Variants in LIPJ observed in about 807,000 individuals in gnomAD.
The protein encoded by LIPJ is lipase family member J, also known as lipase member J.
In LIPJ, 33 loss-of-function variants were observed where a neutral mutation model predicts 39.8. The ratio of observed to expected loss-of-function variants is 0.83; its 90% CI spans 0.63 to 1.11. LIPJ has a LOEUF of 1.11. Among genes scored for constraint, LIPJ ranks in the 50% least tolerant of loss-of-function variants. The pLI, the probability that LIPJ is intolerant of heterozygous loss-of-function variation, is 0.00. For synonymous variants in LIPJ, 128 were observed against 139.2 expected, an observed-to-expected ratio of 0.92 and a Z score of 0.57; for missense variants, 422 against 427.9, an observed-to-expected ratio of 0.99 and a Z score of 0.12.
chr10:88,609,450 A>G (rs921175709), downstream of LIPJ, among the ~76,000 whole-genome samples: 1 of 152,250 alleles, frequency 6.6e-6, no homozygotes, highest in African/African-American at 2.4e-5. Context: ...ATATAATGGG[A>G]TAATAATTCA....
chr10:88,603,508 AC>A (rs1851564408), intron 9 of LIPJ, among the ~76,000 whole-genome samples: 1 of 152,200 alleles, frequency 6.6e-6, no homozygotes, highest in South Asian at 2.1e-4. Context: ...AATGTTGAAA[AC>A]CAGGATAACA....
At chr10:88,612,552 G>A in the LIPJ span, among the ~76,000 whole-genome samples, 2 of 152,066 alleles carry the variant, frequency 1.3e-5, no homozygotes, top group Non-Finnish European at 1.5e-5. Flanking sequence ...GATATTCCAT[G>A]CAAATGGACA....
At chr10:88,619,240 C>G in the LIPJ span, among the ~76,000 whole-genome samples, 10 of 150,252 alleles carry the variant, frequency 6.7e-5, no homozygotes, top group Non-Finnish European at 7.4e-5. Flanking sequence ...CTGTAACCCA[C>G]ACATTAACCA....
At chr10:88,594,382 A>G in intron 5 of LIPJ, 1 of 502,438 alleles carries the variant, frequency 2.0e-6, no homozygotes, top group South Asian at 2.9e-5. Flanking sequence ...GACCAACCCC[A>G]TCCTTCCTTT....
In LIPJ at chr10:88,602,567, A is replaced by G. The variant is rs371407563; in HGVS notation, c.724-9A>G. ...TAAAAATGCTTTTTTTTTTTTTTTT[A>G]CCCCTCAGAGTCGTTTGGATGTGTA... On this transcript the variant is annotated splice_polypyrimidine_tract_variant and intron_variant, in intron 8 of 10. Coordinates refer to ENST00000371939, the Ensembl canonical transcript of LIPJ. 1.5e-6 allele frequency: 2 copies of G among 1,352,988 alleles called. No homozygotes were observed. Among genetic ancestry groups the G allele is most frequent in the East Asian group, 2.8e-5 (1 of 36,334 alleles). The allele number at this position is 1,352,988 out of a possible 1,614,324, so 83.8% of individuals were successfully genotyped here. A position where few individuals can be genotyped will look rare whatever the true frequency, so the allele number is the denominator to read the frequency against.
chr10:88,595,479 A>G (rs528855584), intron 6 of LIPJ, among the ~76,000 whole-genome samples: 29 of 151,790 alleles, frequency 1.9e-4, no homozygotes, highest in African/African-American at 5.1e-4. Context: ...AAGCATGTTG[A>G]GTAACAATCT....
intron 7 of LIPJ, 22 bp from the exon 8 acceptor site, chr10:88,596,768 A>G: frequency 6.3e-7 from 1 of 1,582,628 alleles, no homozygotes; most frequent in East Asian, 2.2e-5. Context: ...CCAAATGTGG[A>G]TAAAATAAAT....
At chr10:88,587,600 T>C (rs1850951702) in intron 2 of LIPJ, among the ~76,000 whole-genome samples, 1 of 152,120 alleles carries the variant, frequency 6.6e-6, no homozygotes, top group African/African-American at 2.4e-5. Flanking sequence ...CTTTTAAAAA[T>C]CATTATTTAA....
upstream of LIPJ, chr10:88,584,105 C>CAAT (rs1386216601): frequency 6.6e-6 from 1 of 151,710 alleles, no homozygotes; most frequent in African/African-American, 2.4e-5. Flanking sequence ...GTATCAGAAC[C>CAAT]AATAAGAAAA....
rs113396169 is a variant in LIPJ at position 88,603,145 on chromosome 10, C to A, written c.795+498C>A. ...ATCATAATTTAATTAATTCTCTAAA[C>A]CTAAGTACTGTTACAGCAATATAAA... On this transcript the variant is annotated intron_variant, in intron 9 of 10. Transcript: ENST00000371939. Among the ~76,000 whole-genome samples the A allele has an allele frequency of 1.4e-3, 211 of 152,066 alleles. 1 individual carries two copies. The highest frequency in any genetic ancestry group is 4.9e-3 in the African/African-American group (202 of 41,494).
At chr10:88,598,747 C>T (rs1488467778) in intron 8 of LIPJ, among the ~76,000 whole-genome samples, 2 of 151,608 alleles carry the variant, frequency 1.3e-5, no homozygotes, top group African/African-American at 4.8e-5. Context: ...AAGCCTCTGA[C>T]CTACATTAAG....
At chr10:88,616,035 G>C in the LIPJ span, among the ~76,000 whole-genome samples, 2 of 152,126 alleles carry the variant, frequency 1.3e-5, no homozygotes, top group Non-Finnish European at 2.9e-5. Context: ...AACATAGCAA[G>C]ACCCCATCTC....
At position 88,590,338 on chromosome 10, in the gene LIPJ, G is replaced by T. The variant is rs200963636; in HGVS notation, c.-103-247G>T. On this transcript the variant is annotated intron_variant, in intron 2 of 10. Coordinates refer to ENST00000371939, the Ensembl canonical transcript of LIPJ. ...TACTACAATGGAGACTTCTAAGAGG[G>T]AATTTATCTACAAAATAGGGTAGCC... Among the ~76,000 whole-genome samples, 3 of 151,740 alleles carry T rather than the reference G, an allele frequency of 2.0e-5. No individual in the cohort carries two copies. In the East Asian group the frequency reaches 5.8e-4, roughly 29 times the overall value.
chr10:88,586,114 T>C (rs1850907151), upstream of LIPJ, among the ~76,000 whole-genome samples: 1 of 152,212 alleles, frequency 6.6e-6, no homozygotes. Context: ...GCATTTATCT[T>C]TGTCTTTTTT....
In LIPJ at chr10:88,593,899, T is replaced by C. The variant is rs375224190; in HGVS notation, c.131-47T>C. ...GAATTTCAGATAAAAGATTTTCATA[T>C]AGATAACTACAAAATTTATAAAGAA... On this transcript the variant is annotated intron_variant, in intron 4 of 10. Transcript: ENST00000371939. 2.5e-5 allele frequency: 38 copies of C among 1,496,780 alleles called. No homozygotes were observed. The African/African-American group carries it at 4.9e-4, about 19-fold the overall frequency. 92.7% of individuals were successfully genotyped at this position (1,496,780 alleles called of 1,614,324 possible).
chr10:88,589,719 G>C (rs1335048327), intron 2 of LIPJ, among the ~76,000 whole-genome samples: 1 of 151,604 alleles, frequency 6.6e-6, no homozygotes, highest in African/African-American at 2.4e-5. Flanking sequence ...TTGTTCTCTT[G>C]CATAAGGAGG....
At chr10:88,603,853 T>C (rs529630622) in intron 9 of LIPJ, among the ~76,000 whole-genome samples, 103 of 152,300 alleles carry the variant, frequency 6.8e-4, no homozygotes, top group African/African-American at 2.3e-3. Flanking sequence ...TTATAACTTA[T>C]ATTTAGGTAA....
upstream of LIPJ, among the ~76,000 whole-genome samples, chr10:88,586,022 A>G (rs551101290): frequency 1.8e-4 from 28 of 152,224 alleles, no homozygotes; most frequent in Non-Finnish European, 2.8e-4. Flanking sequence ...CCACTTATCT[A>G]TGGCAGAAGA....
chr10:88,609,129 C>G (rs565875643), downstream of LIPJ, among the ~76,000 whole-genome samples: 206 of 152,218 alleles, frequency 1.4e-3, 1 homozygote, highest in Middle Eastern at 0.01. Context: ...TGCATTTTGT[C>G]CAATTCTTTG....
Sources: allele counts gnomAD v4.1 joint callset (sites outside exome capture counted in the v4.1 genomes callset), GRCh38; gene constraint gnomAD v4.1.1; transcripts MANE v1.5; gene names NCBI Gene and HGNC (gene_info 2026-07-23, HGNC 2026-07-21).